CASKIN2: variants seen among roughly 807,000 people sequenced by gnomAD.
The protein encoded by CASKIN2 is CASK interacting protein 2.
In CASKIN2, 41 loss-of-function variants were observed where a neutral mutation model predicts 107.1. That is an observed-to-expected ratio of 0.38 (90% CI 0.30 to 0.50). The LOEUF (loss-of-function observed/expected upper bound fraction) is 0.50, where lower values mean the gene tolerates loss of function less well. Ranked by LOEUF, CASKIN2 falls within the 20% of genes least tolerant of loss-of-function variation. The probability of loss-of-function intolerance (pLI) is 0.92; values close to 1 mark genes in which losing one functional copy is unlikely to be tolerated. For missense variants in CASKIN2, 1,546 were observed against 1,657.4 expected (o/e 0.93, Z 1.17); for synonymous variants, 724 against 705.6 (o/e 1.03, Z -0.41).
Position 75,503,204 on chromosome 17 carries a change from G to C in CASKIN2, c.1870C>G (p.Arg624Gly), listed in dbSNP as rs1252536496. The stretch of plus-strand genomic sequence containing the variant: ...AGGGCCTCCCCCTGCAGCAGGCCCC[G>C]CCGAAGCTCCGCCAGCCGCTTCACC... ...LGVKRLAELRRGLLQGEALSE... is the reference protein window; with the variant it reads ...LGVKRLAELRGGLLQGEALSE... Residue 624 changes from arginine to glycine, a missense_variant, in exon 18 of 20, where the codon CGG becomes GGG. This residue lies in a region of CASKIN2 where 1,311 missense variants were observed against 1,311.0 expected (regional missense o/e 1.00). Coordinates refer to ENST00000321617, the MANE Select transcript of CASKIN2 (RefSeq NM_020753.5). 3 of 1,596,070 alleles carry C rather than the reference G, an allele frequency of 1.9e-6. No individual in the cohort carries two copies. Among genetic ancestry groups the C allele is most frequent in the Non-Finnish European group, 2.6e-6 (3 of 1,174,134 alleles).
chr17:75,505,320 A>G lies in CASKIN2; in HGVS notation c.930+237T>C. The G allele has an allele frequency of 1.6e-6, 1 of 624,586 alleles. No individual in the cohort carries two copies. Among genetic ancestry groups the G allele is most frequent in the Non-Finnish European group, 2.8e-6 (1 of 356,994 alleles). The allele number at this position is 624,586 out of a possible 1,614,324, so 38.7% of individuals were successfully genotyped here. On this transcript the variant is annotated intron_variant, in intron 10 of 19. Coordinates refer to ENST00000321617, the MANE Select transcript of CASKIN2 (RefSeq NM_020753.5). This position sits in a 1 kb window ranked among gnomAD's most constrained non-coding sequence, Gnocchi z 5.1. The stretch of plus-strand genomic sequence containing the variant: ...TCAAATCACAGCTCCACTACTTGCT[A>G]GCTGTGTGACCTTGGGCAAGTCACT...
chr17:75,507,697 A>C lies in CASKIN2; in HGVS notation c.147-16T>G. The C allele has an allele frequency of 6.2e-7, 1 of 1,600,262 alleles. No individual in the cohort carries two copies. The highest frequency in any genetic ancestry group is 8.5e-7 in the Non-Finnish European group (1 of 1,169,682). On this transcript the variant is annotated splice_polypyrimidine_tract_variant and intron_variant, in intron 3 of 19. Coordinates refer to ENST00000321617, the MANE Select transcript of CASKIN2 (RefSeq NM_020753.5). The stretch of plus-strand genomic sequence containing the variant: ...GGCAGAGAATCTGATGTGGGAGGAC[A>C]CAAAGTTAGGGGTGTTGGTGGGCAG...
chr17:75,501,525 G>C lies in CASKIN2; in HGVS notation c.3461C>G (p.Ser1154Cys). The C allele has an allele frequency of 2.5e-6, 4 of 1,612,538 alleles. No individual in the cohort carries two copies. Among genetic ancestry groups the C allele is most frequent in the Middle Eastern group, 1.7e-4 (1 of 6,060 alleles). The change falls in exon 19 of 20, where the codon TCC becomes TGC. Residue 1154 changes from serine to cysteine, a missense_variant. This residue lies in a region of CASKIN2 where 1,311 missense variants were observed against 1,311.0 expected (regional missense o/e 1.00). Transcript: ENST00000321617. ...AQQRLEQTSS[S>C]LAAALRAAEK... ...TGCGGCTCTCAGTGCAGCTGCCAGG[G>C]ACGAGCTGGTCTGCTCCAGTCTCTG...
rs1014799541 is a variant in CASKIN2 at position 75,500,409 on chromosome 17, T to C, written c.*671A>G. 1 of 152,594 alleles carries C rather than the reference T, an allele frequency of 6.6e-6. No homozygotes were observed. The highest frequency in any genetic ancestry group is 1.5e-5 in the Non-Finnish European group (1 of 68,312). 9.5% of individuals were successfully genotyped at this position (152,594 alleles called of 1,614,324 possible). ...GTGGTCCGAAGCCCCTCCCCCATTGTGTCCTCTCAGGCAGTTGATAGAATA... is the reference window on the plus strand; with the variant it reads ...GTGGTCCGAAGCCCCTCCCCCATTGCGTCCTCTCAGGCAGTTGATAGAATA... On this transcript the variant is annotated 3_prime_UTR_variant, in exon 20 of 20. Coordinates refer to ENST00000321617, the MANE Select transcript of CASKIN2 (RefSeq NM_020753.5).
At chr17:75,515,375 C>A (rs1336116957) in intron 1 of CASKIN2, 26 bp downstream of exon 1, 1 of 152,314 alleles carries the variant, frequency 6.6e-6, no homozygotes, top group African/African-American at 2.4e-5. Context: ...GGGCGCTGAC[C>A]CCCAGCGCGG....
chr17:75,508,276 C>G lies in CASKIN2; in HGVS notation c.104G>C (p.Gly35Ala), dbSNP rs767355641. ...GTTCACGTTGAGCCTCTTTGTGGAG[C>G]CCAGGAGCTCTAGGGGTCAGGATAG... is the stretch of plus-strand genomic sequence containing the variant. Reference protein sequence around the residue: ...KVKATKTKLLGSTKRLNVNYQ... With the variant: ...KVKATKTKLLASTKRLNVNYQ... The change falls in exon 3 of 20, where the codon GGC becomes GCC. Residue 35 changes from glycine (G) to alanine (A), a missense_variant. By Grantham distance (60) the Gly-to-Ala change is moderately conservative. Coordinates refer to ENST00000321617, the MANE Select transcript of CASKIN2 (RefSeq NM_020753.5). 24 of 1,613,640 alleles carry G rather than the reference C, an allele frequency of 1.5e-5. No individual in the cohort carries two copies. The highest frequency in any genetic ancestry group is 2.0e-5 in the Non-Finnish European group (24 of 1,179,864).
intron 3 of CASKIN2, 104 bp from the exon 4 acceptor site, chr17:75,507,785 T>C: frequency 1.2e-6 from 1 of 852,278 alleles, no homozygotes; most frequent in Non-Finnish European, 1.9e-6. Context: ...CAGGGATGGG[T>C]TACTGGCCCC....
In CASKIN2 at chr17:75,506,542, C is replaced by A. The variant is rs1349845167; in HGVS notation, c.617+41G>T. 6.2e-7 allele frequency: 1 copy of A among 1,607,580 alleles called. No homozygotes were observed. The highest frequency in any genetic ancestry group is 1.7e-5 in the Admixed American group (1 of 59,848). On this transcript the variant is annotated intron_variant, in intron 7 of 19. Coordinates refer to ENST00000321617, the MANE Select transcript of CASKIN2 (RefSeq NM_020753.5). The surrounding 1 kb of genome is among the most constrained non-coding windows in gnomAD (Gnocchi z 4.8). ...GAGCACTGAGGGGCACCGATGGTCC[C>A]GCAGGCAGGTGATGAGGAAGCGAGG...
At chr17:75,509,749 T>C in intron 2 of CASKIN2, 1 of 985,504 alleles carries the variant, frequency 1.0e-6, no homozygotes, top group Non-Finnish European at 1.2e-6. Flanking sequence ...GTGGAGACAA[T>C]GCGGTCAGCA....
At position 75,503,769 on chromosome 17, in the gene CASKIN2, C is replaced by T. The variant is rs755294706; in HGVS notation, c.1579-9G>A. On this transcript the variant is annotated splice_polypyrimidine_tract_variant and intron_variant, in intron 15 of 19. Transcript: ENST00000321617. ...CCGATGGCCGTCAGGTCCTGCCACACAAAGTCTGGCCATCAGGCCCCTCCC... is the reference window on the plus strand; with the variant it reads ...CCGATGGCCGTCAGGTCCTGCCACATAAAGTCTGGCCATCAGGCCCCTCCC... 1.9e-6 allele frequency: 3 copies of T among 1,612,446 alleles called. No homozygotes were observed. The highest frequency in any genetic ancestry group is 1.7e-6 in the Non-Finnish European group (2 of 1,179,920).
chr17:75,501,045 A>G lies in CASKIN2; in HGVS notation c.*35T>C. On this transcript the variant is annotated 3_prime_UTR_variant, in exon 20 of 20. Coordinates refer to ENST00000321617, the MANE Select transcript of CASKIN2 (RefSeq NM_020753.5). ...TTCTGTGCTGGGGCAAAGGCAGTGGACTTCGGCAGGTCACAGTGGGCACTG... is the reference window on the plus strand; with the variant it reads ...TTCTGTGCTGGGGCAAAGGCAGTGGGCTTCGGCAGGTCACAGTGGGCACTG... The G allele has an allele frequency of 1.3e-6, 2 of 1,543,830 alleles. No individual in the cohort carries two copies. The highest frequency in any genetic ancestry group is 1.8e-6 in the Non-Finnish European group (2 of 1,140,900).
rs549320266 is a variant in CASKIN2, at chr17:75,503,299, T to C, written c.1820-45A>G. On this transcript the variant is annotated intron_variant, in intron 17 of 19. Transcript: ENST00000321617. ...TGGCAAGGTTAGCTGGGGCTGGGGT[T>C]GTCCTGGTCACCGCTGGGCCCCATA... 1.9e-6 allele frequency: 3 copies of C among 1,573,626 alleles called. No homozygotes were observed. The South Asian group carries it at 3.5e-5, about 18-fold the overall frequency.
rs2053264200 is a variant in CASKIN2, at chr17:75,506,269, A to G, written c.726+36T>C. The G allele has an allele frequency of 1.3e-6, 2 of 1,553,016 alleles. No individual in the cohort carries two copies. The highest frequency in any genetic ancestry group is 1.8e-6 in the Non-Finnish European group (2 of 1,130,198). On this transcript the variant is annotated intron_variant, in intron 8 of 19. Coordinates refer to ENST00000321617, the MANE Select transcript of CASKIN2 (RefSeq NM_020753.5). This position sits in a 1 kb window ranked among gnomAD's most constrained non-coding sequence, Gnocchi z 4.8. ...GTCAGGGGCACAGGGCAGAGGCTCC[A>G]TGGACACCTGCGAGGGAGCAGGGGC...
rs571888095 is a variant in CASKIN2, at chr17:75,508,248, G to A, written c.132C>T (p.Tyr44=). 1.4e-5 allele frequency: 22 copies of A among 1,613,936 alleles called. No individual in the cohort carries two copies. In the Admixed American group the frequency reaches 1.8e-4, roughly 13 times the overall value. Residue 44 remains tyrosine (Y), a synonymous_variant, in exon 3 of 20, where the codon TAC becomes TAT. Transcript: ENST00000321617. ...LGSTKRLNVN[Y]QDADGFSALH... ...CTCCCACTCACCCATCAGCATCCTG[G>A]TAGTTCACGTTGAGCCTCTTTGTGG...
chr17:75,501,509 C>T lies in CASKIN2; in HGVS notation c.3477G>A (p.Leu1159=). 1 of 1,612,380 alleles carries T rather than the reference C, an allele frequency of 6.2e-7. No individual in the cohort carries two copies. Among genetic ancestry groups the T allele is most frequent in the Non-Finnish European group, 8.5e-7 (1 of 1,179,488 alleles). ...EQTSSSLAAA[L]RAAEKSIGTK... ...TGCCAATGCTCTTCTCTGCGGCTCT[C>T]AGTGCAGCTGCCAGGGACGAGCTGG... The change falls in exon 19 of 20, where the codon CTG becomes CTA. Residue 1159 remains leucine, a synonymous_variant. Coordinates refer to ENST00000321617, the MANE Select transcript of CASKIN2 (RefSeq NM_020753.5).
Position 75,500,852 on chromosome 17 carries a change from G to A in CASKIN2, c.*228C>T. On this transcript the variant is annotated 3_prime_UTR_variant, in exon 20 of 20. Coordinates refer to ENST00000321617, the MANE Select transcript of CASKIN2 (RefSeq NM_020753.5). ...GCTCAATCGATCAAACCCTGGGAGG[G>A]GCTTTGCTGAGATGCAGCGGAGGTC... The A allele has an allele frequency of 1.8e-6, 1 of 542,656 alleles. No individual in the cohort carries two copies. The allele number at this position is 542,656 out of a possible 1,614,324, so 33.6% of individuals were successfully genotyped here. A position where few individuals can be genotyped will look rare whatever the true frequency, so the allele number is the denominator to read the frequency against.
At position 75,506,935 on chromosome 17, in the gene CASKIN2, G is replaced by C; in HGVS notation, c.391-41C>G. 6.2e-7 allele frequency: 1 copy of C among 1,611,870 alleles called. No homozygotes were observed. Among genetic ancestry groups the C allele is most frequent in the Non-Finnish European group, 8.5e-7 (1 of 1,178,834 alleles). On this transcript the variant is annotated intron_variant, in intron 5 of 19. Coordinates refer to ENST00000321617, the MANE Select transcript of CASKIN2 (RefSeq NM_020753.5). The surrounding 1 kb of genome is among the most constrained non-coding windows in gnomAD (Gnocchi z 4.8). ...CCGAGTGAGGGGGCCTGGCCTGTCC[G>C]GCACCCCACCCTGCCCTGCGCCACG...
chr17:75,510,723 C>T (rs1442148360), intron 2 of CASKIN2, among the ~76,000 whole-genome samples: 4 of 151,996 alleles, frequency 2.6e-5, no homozygotes, highest in South Asian at 4.2e-4. Flanking sequence ...CCTGAATAGG[C>T]GGGACTACAG....
intron 17 of CASKIN2, 29 bp downstream of exon 17, chr17:75,503,360 G>T (rs111389481): frequency 1.9e-6 from 3 of 1,598,534 alleles, no homozygotes; most frequent in Non-Finnish European, 2.6e-6. Context: ...GCAGGTGGGG[G>T]CCCAGCCAGG....
Sources: gnomAD v4.1 joint callset for allele counts (sites outside exome capture counted in the v4.1 genomes callset) on GRCh38, gnomAD v4.1.1 for gene constraint, gnomAD v4.1.1 regional missense constraint, Gnocchi (gnomAD v3.1) non-coding constraint, MANE v1.5 for transcripts, NCBI Gene and HGNC (gene_info 2026-07-23, HGNC 2026-07-21) for gene names.